SPHK1: variants seen among roughly 807,000 people sequenced by gnomAD.
SPHK1 encodes SK 1.
In SPHK1, 10 loss-of-function variants were observed where a neutral mutation model predicts 14.6. The observed-to-expected ratio is 0.68, with a 90% CI of 0.42 to 1.16. The LOEUF (loss-of-function observed/expected upper bound fraction) is 1.16, where lower values mean the gene tolerates loss of function less well. Ranked by LOEUF, SPHK1 falls within the 50% of genes most tolerant of loss-of-function variation. SPHK1 has a pLI of 0.00. For missense variants in SPHK1, 553 were observed against 525.4 expected (o/e 1.05, Z -0.51); for synonymous variants, 274 against 224.0 (o/e 1.22, Z -1.99).
chr17:76,385,368 G>A lies in SPHK1; in HGVS notation c.-194-83G>A. On this transcript the variant is annotated intron_variant, in intron 1 of 5. Coordinates refer to ENST00000592299, the MANE Select transcript of SPHK1 (RefSeq NM_001142601.2). The surrounding 1 kb of genome is among the most constrained non-coding windows in gnomAD (Gnocchi z 5.3). ...TTCCCGGGAACCTGGCTCCCCGCGC[G>A]TGGTCCCGGGATTTAGTCGGGCGCT... is the stretch of plus-strand genomic sequence containing the variant. The A allele has an allele frequency of 6.9e-7, 1 of 1,448,850 alleles. No individual in the cohort carries two copies. The highest frequency in any genetic ancestry group is 1.4e-5 in the South Asian group (1 of 70,842). 89.7% of individuals were successfully genotyped at this position (1,448,850 alleles called of 1,614,324 possible).
Position 76,385,133 on chromosome 17 carries a change from CG to C in SPHK1, c.-194-317del, listed in dbSNP as rs1297356608. 1.3e-6 allele frequency: 2 copies of C among 1,592,882 alleles called. No homozygotes were observed. Among genetic ancestry groups the C allele is most frequent in the Non-Finnish European group, 1.7e-6 (2 of 1,170,872 alleles). On this transcript the variant is annotated intron_variant, in intron 1 of 5. Coordinates refer to ENST00000592299, the MANE Select transcript of SPHK1 (RefSeq NM_001142601.2). The surrounding 1 kb of genome is among the most constrained non-coding windows in gnomAD (Gnocchi z 5.3). ...GTCCGCTCAAGTTCTGGGATTTTTA[CG>C]CAGCTGGACTCCCCTCCCCCTGGCA...
rs760185133 is a variant in SPHK1 at position 76,386,334 on chromosome 17, G to A, written c.258+19G>A. 3.1e-6 allele frequency: 5 copies of A among 1,605,862 alleles called. No homozygotes were observed. In the African/African-American group the frequency reaches 4.0e-5, roughly 13 times the overall value. ...GCACGAGGTGAGGACCGCACTGCGC[G>A]GCTAGGCCTGGGGCTTGGCGCGGTG... On this transcript the variant is annotated intron_variant, in intron 4 of 5. Transcript: ENST00000592299. The surrounding 1 kb of genome is among the most constrained non-coding windows in gnomAD (Gnocchi z 5.3).
chr17:76,385,866 G>A lies in SPHK1; in HGVS notation c.11-119G>A. The A allele has an allele frequency of 6.7e-7, 1 of 1,487,444 alleles. No individual in the cohort carries two copies. Among genetic ancestry groups the A allele is most frequent in the Non-Finnish European group, 9.0e-7 (1 of 1,113,882 alleles). The allele number at this position is 1,487,444 out of a possible 1,614,324, so 92.1% of individuals were successfully genotyped here. Reference sequence around the variant, plus strand: ...GTCTCCCAGCAAAGGCCGCTCCTCTGGCCAGGGTCAATTACCGGGGTGTTT... The same window carrying A: ...GTCTCCCAGCAAAGGCCGCTCCTCTAGCCAGGGTCAATTACCGGGGTGTTT... On this transcript the variant is annotated intron_variant, in intron 2 of 5. Coordinates refer to ENST00000592299, the MANE Select transcript of SPHK1 (RefSeq NM_001142601.2). This position sits in a 1 kb window ranked among gnomAD's most constrained non-coding sequence, Gnocchi z 5.3.
rs1191037592 is a variant in SPHK1 at position 76,384,758 on chromosome 17, C to T, written c.-243C>T. The T allele has an allele frequency of 4.9e-6, 1 of 205,230 alleles. No homozygotes were observed. The highest frequency in any genetic ancestry group is 2.3e-5 in the African/African-American group (1 of 43,004). 12.7% of individuals were successfully genotyped at this position (205,230 alleles called of 1,614,324 possible). On this transcript the variant is annotated 5_prime_UTR_variant, in exon 1 of 6. Coordinates refer to ENST00000592299, the MANE Select transcript of SPHK1 (RefSeq NM_001142601.2). ...GGACGAGCTGCGTTCCGCCCCAGGC[C>T]ACTGTAGGGAACGGCGGTGGCGCCT...
Position 76,386,839 on chromosome 17 carries a change from C to A in SPHK1, c.408C>A (p.Thr136=). 1 of 1,574,926 alleles carries A rather than the reference C, an allele frequency of 6.3e-7. No individual in the cohort carries two copies. The highest frequency in any genetic ancestry group is 1.8e-5 in the Admixed American group (1 of 56,134). Residue 136 remains threonine (T), a synonymous_variant, in exon 6 of 6, where the codon ACC becomes ACA. Transcript: ENST00000592299. This position sits in a 1 kb window ranked among gnomAD's most constrained non-coding sequence, Gnocchi z 5.3. Reference sequence around the variant, plus strand: ...AGGTCACCAATGAAGACCTCCTGACCAACTGCACGCTATTGCTGTGCCGCC... The same window carrying A: ...AGGTCACCAATGAAGACCTCCTGACAAACTGCACGCTATTGCTGTGCCGCC... ...YEQVTNEDLL[T]NCTLLLCRRL...
chr17:76,387,428 G>A lies in SPHK1; in HGVS notation c.997G>A (p.Asp333Asn), dbSNP rs116933256. Residue 333 changes from aspartate to asparagine, a missense_variant, in exon 6 of 6, where the codon GAT becomes AAT. Coordinates refer to ENST00000592299, the MANE Select transcript of SPHK1 (RefSeq NM_001142601.2). This position sits in a 1 kb window ranked among gnomAD's most constrained non-coding sequence, Gnocchi z 4.1. Reference sequence around the variant, plus strand: ...GGTCGCCTTCCGCTTGGAGCCCAAGGATGGGAAAGGTGTGTTTGCAGTGGA... The same window carrying A: ...GGTCGCCTTCCGCTTGGAGCCCAAGAATGGGAAAGGTGTGTTTGCAGTGGA... ...PVVAFRLEPK[D>N]GKGVFAVDGE... The A allele has an allele frequency of 1.8e-3, 2,829 of 1,613,856 alleles. 9 individuals carry two copies. Among genetic ancestry groups the A allele is most frequent in the Middle Eastern group, 4.1e-3 (25 of 6,062 alleles).
In SPHK1 at chr17:76,385,135, C is replaced by G; in HGVS notation, c.-194-316C>G. 1 of 1,593,250 alleles carries G rather than the reference C, an allele frequency of 6.3e-7. No individual in the cohort carries two copies. Among genetic ancestry groups the G allele is most frequent in the Non-Finnish European group, 8.5e-7 (1 of 1,171,080 alleles). ...CCGCTCAAGTTCTGGGATTTTTACG[C>G]AGCTGGACTCCCCTCCCCCTGGCAG... On this transcript the variant is annotated intron_variant, in intron 1 of 5. Coordinates refer to ENST00000592299, the MANE Select transcript of SPHK1 (RefSeq NM_001142601.2). This position sits in a 1 kb window ranked among gnomAD's most constrained non-coding sequence, Gnocchi z 5.3.
Position 76,387,231 on chromosome 17 carries a change from AC to A in SPHK1, c.802del (p.Leu268TrpfsTer77), listed in dbSNP as rs769301581. 6.2e-7 allele frequency: 1 copy of A among 1,612,994 alleles called. No individual in the cohort carries two copies. On this transcript the variant is annotated frameshift_variant, in exon 6 of 6. Transcript: ENST00000592299. LOFTEE classifies it low-confidence loss of function (END_TRUNC). This position sits in a 1 kb window ranked among gnomAD's most constrained non-coding sequence, Gnocchi z 4.1. ...CTAGTCCTGGCACTGCTGCACTCGC[AC>A]CTGGGCAGTGAGATGTTTGCTGCAC... is the stretch of plus-strand genomic sequence containing the variant. ...FVLVLALLHS[H>X]LGSEMFAAPM...
Position 76,387,787 on chromosome 17 carries a change from T to C in SPHK1, c.*201T>C, listed in dbSNP as rs2072022558. 5.0e-6 allele frequency: 3 copies of C among 594,608 alleles called. No homozygotes were observed. Among genetic ancestry groups the C allele is most frequent in the Admixed American group, 6.5e-5 (2 of 30,870 alleles). The allele number at this position is 594,608 out of a possible 1,614,324, so 36.8% of individuals were successfully genotyped here. ...CCAGCTGGCTGGGCCCAGCTGCCTA[T>C]GTAAGGCCTTCTAGTTTGTTCTGAG... On this transcript the variant is annotated 3_prime_UTR_variant, in exon 6 of 6. Transcript: ENST00000592299. The surrounding 1 kb of genome is among the most constrained non-coding windows in gnomAD (Gnocchi z 4.1).
upstream of SPHK1, chr17:76,383,946 C>G: frequency 9.1e-7 from 1 of 1,097,140 alleles, no homozygotes; most frequent in Non-Finnish European, 1.1e-6. Flanking sequence ...CCTGCTCTAC[C>G]CGGGACAGCG....
rs368428286 is a variant in SPHK1, at chr17:76,385,153, C to T, written c.-194-298C>T. The T allele has an allele frequency of 1.6e-5, 25 of 1,594,990 alleles. No homozygotes were observed. Among genetic ancestry groups the T allele is most frequent in the Non-Finnish European group, 1.8e-5 (21 of 1,172,258 alleles). On this transcript the variant is annotated intron_variant, in intron 1 of 5. Transcript: ENST00000592299. The surrounding 1 kb of genome is among the most constrained non-coding windows in gnomAD (Gnocchi z 5.3). ...TTTTACGCAGCTGGACTCCCCTCCCCCTGGCAGCCCCGAGGGGTGAGGAGC... is the reference window on the plus strand; with the variant it reads ...TTTTACGCAGCTGGACTCCCCTCCCTCTGGCAGCCCCGAGGGGTGAGGAGC...
At position 76,386,728 on chromosome 17, in the gene SPHK1, C is replaced by A. The variant is rs1483019346; in HGVS notation, c.375-78C>A. On this transcript the variant is annotated intron_variant, in intron 5 of 5. Transcript: ENST00000592299. The surrounding 1 kb of genome is among the most constrained non-coding windows in gnomAD (Gnocchi z 5.3). Reference sequence around the variant, plus strand: ...CAGGGACCACATGGCGCTTTGCCAGCTCCCACTCCCCGGGAGGAGGAAGCG... The same window carrying A: ...CAGGGACCACATGGCGCTTTGCCAGATCCCACTCCCCGGGAGGAGGAAGCG... 5 of 1,468,246 alleles carry A rather than the reference C, an allele frequency of 3.4e-6. No homozygotes were observed. The African/African-American group carries it at 7.1e-5, about 21-fold the overall frequency. The allele number at this position is 1,468,246 out of a possible 1,614,324, so 91.0% of individuals were successfully genotyped here.
rs1232709217 is a variant in SPHK1, at chr17:76,385,189, G to T, written c.-194-262G>T. On this transcript the variant is annotated intron_variant, in intron 1 of 5. Transcript: ENST00000592299. The surrounding 1 kb of genome is among the most constrained non-coding windows in gnomAD (Gnocchi z 5.3). ...CGAGGGGTGAGGAGCTAGTCCGTCG[G>T]AGGGAGCCACGGGGCTCTGACTCAT... The T allele has an allele frequency of 3.2e-6, 5 of 1,574,044 alleles. No individual in the cohort carries two copies. Among genetic ancestry groups the T allele is most frequent in the Middle Eastern group, 1.9e-4 (1 of 5,232 alleles).
rs748955405 is a variant in SPHK1 at position 76,385,605 on chromosome 17, G to A, written c.-40G>A. ...CCGCCACGGGCAGCGCCCCCACAGC[G>A]CCAGGGACCCCCTGGCAGCGGGAGC... On this transcript the variant is annotated 5_prime_UTR_variant, in exon 2 of 6. Transcript: ENST00000592299. This position sits in a 1 kb window ranked among gnomAD's most constrained non-coding sequence, Gnocchi z 5.3. 3 of 1,540,228 alleles carry A rather than the reference G, an allele frequency of 1.9e-6. No homozygotes were observed. The highest frequency in any genetic ancestry group is 2.6e-6 in the Non-Finnish European group (3 of 1,148,728).
At chr17:76,383,976 C>A, upstream of SPHK1, 1 of 826,094 alleles carries the variant, frequency 1.2e-6, no homozygotes. Flanking sequence ...GCCTCAGGCT[C>A]GGTAGCCCAG....
chr17:76,386,560 G>A lies in SPHK1; in HGVS notation c.374+52G>A, dbSNP rs895390479. 7.9e-6 allele frequency: 12 copies of A among 1,526,912 alleles called. No individual in the cohort carries two copies. The highest frequency in any genetic ancestry group is 1.8e-5 in the Admixed American group (1 of 54,436). 94.6% of individuals were successfully genotyped at this position (1,526,912 alleles called of 1,614,324 possible). On this transcript the variant is annotated intron_variant, in intron 5 of 5. Transcript: ENST00000592299. The surrounding 1 kb of genome is among the most constrained non-coding windows in gnomAD (Gnocchi z 5.3). Reference sequence around the variant, plus strand: ...TGTTTCCCGTCAGTGCTCCTCTACCGCGGGGGTTTTCTTGTCTAAGCTCCC... The same window carrying A: ...TGTTTCCCGTCAGTGCTCCTCTACCACGGGGGTTTTCTTGTCTAAGCTCCC...
Position 76,386,012 on chromosome 17 carries a change from G to C in SPHK1, c.38G>C (p.Arg13Pro), listed in dbSNP as rs769466723. 1.9e-6 allele frequency: 3 copies of C among 1,603,032 alleles called. No homozygotes were observed. Among genetic ancestry groups the C allele is most frequent in the South Asian group, 2.2e-5 (2 of 90,474 alleles). The change falls in exon 3 of 6, where the codon CGG (arginine) becomes CCG (proline). Residue 13 changes from arginine (R) to proline (P), a missense_variant. Arg to Pro is a moderately radical substitution (Grantham distance 103, BLOSUM62 -2). Coordinates refer to ENST00000592299, the MANE Select transcript of SPHK1 (RefSeq NM_001142601.2). This position sits in a 1 kb window ranked among gnomAD's most constrained non-coding sequence, Gnocchi z 5.3. ...GGCGGCCCCCGGGGCGTGCTCCCGC[G>C]GCCCTGCCGCGTGCTGGTGCTGCTG... is the stretch of plus-strand genomic sequence containing the variant. ...PAGGPRGVLP[R>P]PCRVLVLLNP...
chr17:76,387,551 C>G lies in SPHK1; in HGVS notation c.1120C>G (p.Pro374Ala). 1 of 1,604,466 alleles carries G rather than the reference C, an allele frequency of 6.2e-7. No individual in the cohort carries two copies. The highest frequency in any genetic ancestry group is 8.5e-7 in the Non-Finnish European group (1 of 1,176,714). The change falls in exon 6 of 6, where the codon CCC (proline) becomes GCC (alanine). Residue 374 changes from proline (P) to alanine (A), a missense_variant. Pro to Ala is a conservative substitution (Grantham distance 27). Transcript: ENST00000592299. This position sits in a 1 kb window ranked among gnomAD's most constrained non-coding sequence, Gnocchi z 4.1. Reference sequence around the variant, plus strand: ...CGTGGAGCCCCCGCCCAGCTGGAAGCCCCAGCAGATGCCACCGCCAGAAGA... The same window carrying G: ...CGTGGAGCCCCCGCCCAGCTGGAAGGCCCAGCAGATGCCACCGCCAGAAGA... The part of the protein sequence containing the change: ...GCVEPPPSWK[P>A]QQMPPPEEPL
rs1333792291 is a variant in SPHK1, at chr17:76,387,759, A to T, written c.*173A>T. The T allele has an allele frequency of 2.6e-6, 2 of 778,104 alleles. No homozygotes were observed. The highest frequency in any genetic ancestry group is 3.9e-6 in the Non-Finnish European group (2 of 514,286). 48.2% of individuals were successfully genotyped at this position (778,104 alleles called of 1,614,324 possible). On this transcript the variant is annotated 3_prime_UTR_variant, in exon 6 of 6. Transcript: ENST00000592299. The surrounding 1 kb of genome is among the most constrained non-coding windows in gnomAD (Gnocchi z 4.1). ...GGCCAGAATGAAGTCCTGGGTCAGG[A>T]GCCCAGCTGGCTGGGCCCAGCTGCC...
Sources: allele counts gnomAD v4.1 joint callset, GRCh38; gene constraint gnomAD v4.1.1; non-coding constraint Gnocchi (gnomAD v3.1); transcripts MANE v1.5; gene names NCBI Gene and HGNC (gene_info 2026-07-23, HGNC 2026-07-21).